Variants in SESTD1 observed in about 807,000 individuals in gnomAD.
The protein encoded by SESTD1 is SEC14 domain and spectrin repeat-containing protein 1.
A neutral mutation model predicts 101.7 loss-of-function variants in SESTD1; 43 were observed. The ratio of observed to expected loss-of-function variants is 0.42; its 90% CI spans 0.33 to 0.55. The LOEUF (loss-of-function observed/expected upper bound fraction) is 0.55, where lower values mean the gene tolerates loss of function less well. Ranked by LOEUF, SESTD1 falls within the 20% of genes least tolerant of loss-of-function variation. The probability of loss-of-function intolerance (pLI) is 0.07; values close to 1 mark genes in which losing one functional copy is unlikely to be tolerated. For missense variants in SESTD1, 647 were observed against 815.1 expected (o/e 0.79, Z 2.51); for synonymous variants, 283 against 286.8 (o/e 0.99, Z 0.13).
intron 4 of SESTD1, chr2:179,174,607 T>C (rs1057068475): frequency 8.6e-5 from 32 of 373,814 alleles, no homozygotes; most frequent in East Asian, 4.6e-4. Flanking sequence ...CACTTTTTTT[T>C]CAAAGAAAAA....
chr2:179,233,616 G>C (rs1202535255), intron 1 of SESTD1, among the ~76,000 whole-genome samples: 1 of 152,110 alleles, frequency 6.6e-6, no homozygotes, highest in African/African-American at 2.4e-5. Flanking sequence ...ACAGTGCCCA[G>C]CTAATTTTTG....
intron 13 of SESTD1, among the ~76,000 whole-genome samples, chr2:179,119,948 C>T (rs944382713): frequency 5.9e-5 from 9 of 152,124 alleles, no homozygotes; most frequent in Non-Finnish European, 1.2e-4. Context: ...TACCCAGTCT[C>T]GGCCGGGTGC....
At chr2:179,230,448 C>T (rs2046970668) in intron 1 of SESTD1, among the ~76,000 whole-genome samples, 1 of 151,856 alleles carries the variant, frequency 6.6e-6, no homozygotes, top group Admixed American at 6.6e-5. Flanking sequence ...AATTGTATCT[C>T]TTTAAACAAG....
chr2:179,138,342 A>T (rs1575435843), intron 9 of SESTD1, among the ~76,000 whole-genome samples: 1 of 152,102 alleles, frequency 6.6e-6, no homozygotes, highest in Non-Finnish European at 1.5e-5. Context: ...AAATCCTGTC[A>T]CCCATGTTTT....
At chr2:179,184,635 T>G (rs2046179143) in intron 2 of SESTD1, among the ~76,000 whole-genome samples, 1 of 152,144 alleles carries the variant, frequency 6.6e-6, no homozygotes, top group Non-Finnish European at 1.5e-5. Context: ...TGAAAAAATT[T>G]TCTCTATTAC....
rs1170417438 is a variant in SESTD1, at chr2:179,203,233, T to C, written c.-25-11367A>G. Among the ~76,000 whole-genome samples, 2 of 135,126 alleles carry C rather than the reference T, an allele frequency of 1.5e-5. 1 individual carries two copies. Among genetic ancestry groups the C allele is most frequent in the African/African-American group, 5.8e-5 (2 of 34,212 alleles). 88.6% of individuals were successfully genotyped at this position (135,126 alleles called of 152,430 possible). On this transcript the variant is annotated intron_variant, in intron 1 of 17. Coordinates refer to ENST00000428443, the MANE Select transcript of SESTD1 (RefSeq NM_178123.5). ...GCCCCCACCTCTTGGCAGACAACCCTTTCTCTGCTGTGCTGCCCATTGCAA... is the reference window on the plus strand; with the variant it reads ...GCCCCCACCTCTTGGCAGACAACCCCTTCTCTGCTGTGCTGCCCATTGCAA...
At chr2:179,124,741 A>G (rs1485601578) in intron 10 of SESTD1, among the ~76,000 whole-genome samples, 183 bp from the exon 11 acceptor site, 2 of 152,020 alleles carry the variant, frequency 1.3e-5, no homozygotes, top group African/African-American at 4.8e-5. Flanking sequence ...CCTGACCTCT[A>G]AATGTTCTCT....
chr2:179,243,961 T>TATACAC (rs1281884209), intron 1 of SESTD1, among the ~76,000 whole-genome samples: 53 of 144,062 alleles, frequency 3.7e-4, no homozygotes, highest in Non-Finnish European at 6.5e-4. Context: ...TATATATATA[T>TATACAC]ACACACACAC....
At chr2:179,155,785 G>A (rs1488434427) in intron 5 of SESTD1, among the ~76,000 whole-genome samples, 1 of 152,062 alleles carries the variant, frequency 6.6e-6, no homozygotes, top group Non-Finnish European at 1.5e-5. Flanking sequence ...TCAGTGTTTA[G>A]TTACATGAGT....
rs565925509 is a variant in SESTD1 at position 179,229,481 on chromosome 2, C to G, written c.-26+35018G>C. Among the ~76,000 whole-genome samples, 54 of 151,988 alleles carry G rather than the reference C, an allele frequency of 3.6e-4. 1 individual carries two copies. The South Asian group carries it at 0.01, about 29-fold the overall frequency. On this transcript the variant is annotated intron_variant, in intron 1 of 17. Coordinates refer to ENST00000428443, the MANE Select transcript of SESTD1 (RefSeq NM_178123.5). ...GTTTGCAGATGGTGGGACTTCTCAG[C>G]CTCCGTGATTACATGAGCCAGTTTC...
At chr2:179,122,035 G>T in intron 12 of SESTD1, 106 bp from the exon 13 acceptor site, 2 of 1,094,314 alleles carry the variant, frequency 1.8e-6, no homozygotes, top group South Asian at 2.2e-5. Flanking sequence ...AAGTATAGGA[G>T]CTTTGTACAG....
intron 14 of SESTD1, 96 bp from the exon 15 acceptor site, chr2:179,116,886 T>C (rs2044644843): frequency 6.9e-7 from 1 of 1,451,164 alleles, no homozygotes; most frequent in Non-Finnish European, 9.3e-7. Flanking sequence ...ATGTGATTAA[T>C]AAATCCGTTA....
chr2:179,123,761 C>A lies in SESTD1; in HGVS notation c.1236G>T (p.Ser412=). The A allele has an allele frequency of 1.9e-6, 3 of 1,613,830 alleles. No homozygotes were observed. The highest frequency in any genetic ancestry group is 1.7e-6 in the Non-Finnish European group (2 of 1,179,904). The change falls in exon 12 of 18, where the codon TCG becomes TCT. Residue 412 remains serine (S), a synonymous_variant. Transcript: ENST00000428443. The stretch of plus-strand genomic sequence containing the variant: ...CAAGCAGTTTTAAAGTTTGCTGAAT[C>A]GATGCTCCATCAGCTGGTGCTACAT... The part of the protein sequence containing the change: ...CVDVAPADGA[S]IQQTLKLLEE...
chr2:179,141,839 C>G (rs1236879496), intron 9 of SESTD1, among the ~76,000 whole-genome samples: 1 of 152,106 alleles, frequency 6.6e-6, no homozygotes, highest in East Asian at 1.9e-4. Context: ...CTAAAACTTA[C>G]CTGAATTTAA....
chr2:179,250,323 GACA>G (rs1372438831), intron 1 of SESTD1, among the ~76,000 whole-genome samples: 2 of 152,208 alleles, frequency 1.3e-5, no homozygotes, highest in African/African-American at 4.8e-5. Context: ...ACCACGGTGA[GACA>G]TCACTACAAA....
chr2:179,249,439 T>G (rs973317905), intron 1 of SESTD1, among the ~76,000 whole-genome samples: 2 of 152,110 alleles, frequency 1.3e-5, no homozygotes, highest in African/African-American at 4.8e-5. Flanking sequence ...AATTAAATAC[T>G]TAGTTATAAA....
At chr2:179,201,621 T>C (rs1407614764) in intron 1 of SESTD1, among the ~76,000 whole-genome samples, 1 of 125,900 alleles carries the variant, frequency 7.9e-6, no homozygotes, top group East Asian at 2.0e-4. Context: ...ATGTCCTTTG[T>C]AGGGACATGG....
chr2:179,114,497 T>G (rs1357048705), intron 16 of SESTD1, among the ~76,000 whole-genome samples: 1 of 152,242 alleles, frequency 6.6e-6, no homozygotes, highest in Non-Finnish European at 1.5e-5. Context: ...AAAGTTCTAT[T>G]GAAAATGTGT....
rs913273000 is a variant in SESTD1, at chr2:179,156,773, T to TA, written c.370-5383_370-5382insT. ...AGATTTTCTCCCCCTCTGTAGGTTG[T>TA]CTGTTTACTCTGCTGACTGTTCATT... On this transcript the variant is annotated intron_variant, in intron 5 of 17. Transcript: ENST00000428443. 7.2e-5 allele frequency among the ~76,000 whole-genome samples: 11 copies of TA among 152,332 alleles called. No individual in the cohort carries two copies. In the East Asian group the frequency reaches 1.9e-3, roughly 27 times the overall value.
Sources: allele counts gnomAD v4.1 joint callset (sites outside exome capture counted in the v4.1 genomes callset), GRCh38; gene constraint gnomAD v4.1.1; transcripts MANE v1.5; gene names NCBI Gene and HGNC (gene_info 2026-07-23, HGNC 2026-07-21).